Variants in UNC13C observed in about 807,000 individuals in gnomAD.
UNC13C encodes unc-13 homolog C.
In UNC13C, 174 loss-of-function variants were observed where a neutral mutation model predicts 245.4. The ratio of observed to expected loss-of-function variants is 0.71; its 90% CI spans 0.63 to 0.80. The LOEUF is 0.80. UNC13C is among the 30% of genes least tolerant of loss of function. UNC13C has a pLI of 0.00. For synonymous variants in UNC13C, 992 were observed against 895.1 expected (o/e 1.11, Z -1.93); for missense variants, 2,829 against 2,602.9 (o/e 1.09, Z -1.89).
intron 2 of UNC13C, among the ~76,000 whole-genome samples, chr15:54,092,956 T>C (rs1899650633): frequency 2.0e-5 from 3 of 152,144 alleles, no homozygotes; most frequent in African/African-American, 7.2e-5. Context: ...AAAATCTTCC[T>C]CTGAGAGAAA....
chr15:54,191,043 T>C (rs1296430483), intron 4 of UNC13C, among the ~76,000 whole-genome samples: 2 of 152,188 alleles, frequency 1.3e-5, no homozygotes, highest in African/African-American at 4.8e-5. Context: ...TTTAGTTCCT[T>C]AACTTTTTAA....
chr15:54,337,990 T>C (rs1041795559), intron 16 of UNC13C, among the ~76,000 whole-genome samples: 3 of 152,190 alleles, frequency 2.0e-5, no homozygotes, highest in Non-Finnish European at 4.4e-5. Flanking sequence ...TATTTTATTA[T>C]CTACTTGAAC....
intron 1 of UNC13C, among the ~76,000 whole-genome samples, chr15:53,989,000 A>G (rs1353982560): frequency 6.6e-6 from 1 of 151,962 alleles, no homozygotes; most frequent in Non-Finnish European, 1.5e-5. Context: ...CCCCTTGAAT[A>G]TATCTTTCAC....
At chr15:53,921,515 C>T in the UNC13C span, among the ~76,000 whole-genome samples, 141,856 of 152,290 alleles carry the variant, frequency 0.93, 66,317 homozygotes, top group Middle Eastern at 0.98. Flanking sequence ...ATATTGCATA[C>T]GAAAGGAAGT....
At chr15:54,302,620 T>C (rs1384259339) in intron 13 of UNC13C, among the ~76,000 whole-genome samples, 1 of 152,212 alleles carries the variant, frequency 6.6e-6, no homozygotes, top group African/African-American at 2.4e-5. Flanking sequence ...GCGTTATTAC[T>C]GAGGCCTCTG....
chr15:54,200,412 G>T (rs2034485894), intron 4 of UNC13C, among the ~76,000 whole-genome samples: 1 of 151,948 alleles, frequency 6.6e-6, no homozygotes, highest in African/African-American at 2.4e-5. Context: ...CATTCTCCTG[G>T]ATAGACCATA....
At chr15:54,082,404 A>C (rs934080944) in intron 2 of UNC13C, among the ~76,000 whole-genome samples, 1 of 152,086 alleles carries the variant, frequency 6.6e-6, no homozygotes, top group African/African-American at 2.4e-5. Flanking sequence ...CATAATGCCG[A>C]TTAGTCATAG....
the UNC13C span, among the ~76,000 whole-genome samples, chr15:53,867,882 G>T: frequency 6.6e-6 from 1 of 152,078 alleles, no homozygotes; most frequent in Non-Finnish European, 1.5e-5. Flanking sequence ...CCAGGCTGGA[G>T]TGCAGTGGTG....
At chr15:53,977,095 G>A (rs1893733889), upstream of UNC13C, among the ~76,000 whole-genome samples, 1 of 152,154 alleles carries the variant, frequency 6.6e-6, no homozygotes, top group Non-Finnish European at 1.5e-5. Flanking sequence ...TGCCCCTGAT[G>A]CAGATCATTA....
chr15:54,034,256 A>G (rs1371428792), intron 2 of UNC13C, among the ~76,000 whole-genome samples: 1 of 152,154 alleles, frequency 6.6e-6, no homozygotes, highest in Non-Finnish European at 1.5e-5. Flanking sequence ...TCTACCATTT[A>G]CTGCTGTAAG....
chr15:54,568,152 G>C (rs1027973877), intron 30 of UNC13C, among the ~76,000 whole-genome samples: 7 of 151,972 alleles, frequency 4.6e-5, no homozygotes, highest in Non-Finnish European at 7.4e-5. Flanking sequence ...ATAACACTAA[G>C]ATGTATTTAA....
intron 10 of UNC13C, among the ~76,000 whole-genome samples, chr15:54,274,961 C>T (rs780933947): frequency 5.2e-4 from 79 of 152,000 alleles, no homozygotes; most frequent in Non-Finnish European, 2.5e-4. Flanking sequence ...TGAGCCACCA[C>T]GCGCGGCCTA....
intron 4 of UNC13C, among the ~76,000 whole-genome samples, chr15:54,153,221 T>G: frequency 6.6e-6 from 1 of 152,120 alleles, no homozygotes; most frequent in East Asian, 1.9e-4. Context: ...GAGTTCTTAG[T>G]TTTTAGTCTG....
intron 4 of UNC13C, among the ~76,000 whole-genome samples, chr15:54,153,750 T>C (rs2032625639): frequency 6.6e-6 from 1 of 152,026 alleles, no homozygotes; most frequent in South Asian, 2.1e-4. Context: ...AAAAGTATAT[T>C]TGCAAAGGAA....
chr15:54,506,199 G>C (rs1005833741), intron 22 of UNC13C, among the ~76,000 whole-genome samples: 7 of 152,124 alleles, frequency 4.6e-5, no homozygotes. Context: ...TACAACGATT[G>C]CCTAAAGTCA....
At chr15:54,296,801 T>C (rs2140940801) in intron 11 of UNC13C, among the ~76,000 whole-genome samples, 1 of 152,334 alleles carries the variant, frequency 6.6e-6, no homozygotes, top group East Asian at 1.9e-4. Context: ...ATTTGTGAAA[T>C]GGGTCAGATT....
At chr15:54,088,384 C>T (rs1355690842) in intron 2 of UNC13C, among the ~76,000 whole-genome samples, 1 of 151,992 alleles carries the variant, frequency 6.6e-6, no homozygotes, top group Non-Finnish European at 1.5e-5. Context: ...AGAGAGGGGA[C>T]ATGCTATTTG....
intron 30 of UNC13C, among the ~76,000 whole-genome samples, chr15:54,614,944 AG>A (rs1312665035): frequency 6.6e-6 from 1 of 152,046 alleles, no homozygotes; most frequent in Admixed American, 6.6e-5. Flanking sequence ...AGCTATCTCC[AG>A]TGAGTTCTGA....
upstream of UNC13C, among the ~76,000 whole-genome samples, chr15:53,977,827 C>A (rs954786735): frequency 4.6e-5 from 7 of 152,124 alleles, no homozygotes; most frequent in Non-Finnish European, 1.5e-5. Context: ...AATGAAAAGA[C>A]ATTATTCCTA....
Sources: gnomAD v4.1 joint callset for allele counts (sites outside exome capture counted in the v4.1 genomes callset) on GRCh38, gnomAD v4.1.1 for gene constraint, MANE v1.5 for transcripts, NCBI Gene and HGNC (gene_info 2026-07-23, HGNC 2026-07-21) for gene names.